Variants in NEK11 observed in about 807,000 individuals in gnomAD.
NEK11 encodes the protein NIMA related kinase 11, also known as serine/threonine-protein kinase Nek11.
Under a neutral mutation model 80.7 loss-of-function variants are expected in NEK11, and 72 were observed. That is an observed-to-expected ratio of 0.89 (90% CI 0.74 to 1.08). NEK11 has a LOEUF of 1.08. Among genes scored for constraint, NEK11 ranks in the 50% least tolerant of loss-of-function variants. NEK11 has a pLI of 0.00. For synonymous variants in NEK11, 251 were observed against 260.7 expected (o/e 0.96, Z 0.36); for missense variants, 764 against 763.6 (o/e 1.00, Z -0.01).
At chr3:131,095,041 G>T (rs558938352) in intron 4 of NEK11, among the ~76,000 whole-genome samples, 1 of 152,132 alleles carries the variant, frequency 6.6e-6, no homozygotes, top group African/African-American at 2.4e-5. Flanking sequence ...TTAAATACCA[G>T]TTGATTTCTC....
intron 10 of NEK11, among the ~76,000 whole-genome samples, chr3:131,160,612 C>T (rs1183953467): frequency 6.6e-6 from 1 of 152,094 alleles, no homozygotes; most frequent in African/African-American, 2.4e-5. Context: ...AGACGAAATG[C>T]CACAATTAAA....
intron 17 of NEK11, among the ~76,000 whole-genome samples, chr3:131,282,220 C>T (rs2096406482): frequency 6.7e-6 from 1 of 149,704 alleles, no homozygotes; most frequent in African/African-American, 2.5e-5. Context: ...TCCAGGGCTG[C>T]TGATTTTGGT....
At chr3:131,227,813 A>G (rs1442150876) in intron 14 of NEK11, among the ~76,000 whole-genome samples, 1 of 152,130 alleles carries the variant, frequency 6.6e-6, no homozygotes, top group East Asian at 1.9e-4. Context: ...TCTTCACTGA[A>G]GATTGTTATA....
intron 4 of NEK11, among the ~76,000 whole-genome samples, chr3:131,081,525 G>T (rs1017645272): frequency 3.9e-5 from 6 of 152,190 alleles, no homozygotes; most frequent in Non-Finnish European, 8.8e-5. Context: ...GTGAATCTGT[G>T]TGTTTACTCC....
intron 3 of NEK11, among the ~76,000 whole-genome samples, chr3:131,049,761 T>G (rs892187164): frequency 6.6e-6 from 1 of 152,200 alleles, no homozygotes; most frequent in African/African-American, 2.4e-5. Context: ...TCCTCCAAAT[T>G]TGCCAGATAT....
intron 3 of NEK11, among the ~76,000 whole-genome samples, chr3:131,049,077 C>T (rs2067917013): frequency 6.6e-6 from 1 of 152,160 alleles, no homozygotes; most frequent in Non-Finnish European, 1.5e-5. Context: ...ATTAATAGTA[C>T]ATACAATAAC....
At chr3:131,312,375 T>C (rs1417109420) in intron 17 of NEK11, among the ~76,000 whole-genome samples, 2 of 152,026 alleles carry the variant, frequency 1.3e-5, no homozygotes, top group Non-Finnish European at 2.9e-5. Context: ...CTTGGGGCAA[T>C]GGGGGAGTGA....
chr3:131,317,266 T>C (rs1370623037), intron 17 of NEK11, among the ~76,000 whole-genome samples: 1 of 152,168 alleles, frequency 6.6e-6, no homozygotes, highest in Non-Finnish European at 1.5e-5. Context: ...GCTTTAGAGA[T>C]GAAACGAATA....
At chr3:131,246,004 A>G (rs533018495) in intron 16 of NEK11, among the ~76,000 whole-genome samples, 8 of 151,904 alleles carry the variant, frequency 5.3e-5, no homozygotes, top group Non-Finnish European at 1.2e-4. Flanking sequence ...CCATTTGTCT[A>G]TTTTTGGTTT....
chr3:131,161,154 A>G (rs1272411846), intron 10 of NEK11, among the ~76,000 whole-genome samples: 1 of 151,514 alleles, frequency 6.6e-6, no homozygotes, highest in African/African-American at 2.4e-5. Flanking sequence ...CATCTCAAAA[A>G]AAAAAAAAAA....
At chr3:131,030,045 G>T (rs2064560589) in intron 3 of NEK11, among the ~76,000 whole-genome samples, 167 bp downstream of exon 3, 1 of 152,152 alleles carries the variant, frequency 6.6e-6, no homozygotes, top group Admixed American at 6.5e-5. Flanking sequence ...TTCAAGACCA[G>T]CCTGGCCAAC....
intron 17 of NEK11, among the ~76,000 whole-genome samples, chr3:131,303,435 T>C (rs2096684608): frequency 6.6e-6 from 1 of 152,220 alleles, no homozygotes; most frequent in Non-Finnish European, 1.5e-5. Context: ...ACGGTCTATG[T>C]ATTTAAGTGT....
intron 3 of NEK11, chr3:131,072,283 G>C (rs1313166089): frequency 6.6e-6 from 1 of 152,196 alleles, no homozygotes; most frequent in African/African-American, 2.4e-5. Flanking sequence ...GGCTCCAGCT[G>C]GCTGCCATAG....
intron 17 of NEK11, chr3:131,329,052 T>C (rs893836950): frequency 7.2e-5 from 11 of 152,232 alleles, no homozygotes; most frequent in African/African-American, 2.7e-4. Flanking sequence ...ACACTGTCCC[T>C]TCTGCATAGA....
chr3:131,180,509 C>A (rs1560824494), intron 14 of NEK11, among the ~76,000 whole-genome samples: 1 of 151,994 alleles, frequency 6.6e-6, no homozygotes, highest in Non-Finnish European at 1.5e-5. Context: ...ATGACAAAAA[C>A]AATATTTTAT....
chr3:131,315,463 A>G (rs2096827446), intron 17 of NEK11, among the ~76,000 whole-genome samples: 2 of 119,298 alleles, frequency 1.7e-5, no homozygotes, highest in Admixed American at 2.0e-4. Context: ...GCTGAATAAT[A>G]TTCCTGTGTG....
At chr3:131,058,719 T>C (rs1378541122) in intron 3 of NEK11, among the ~76,000 whole-genome samples, 1 of 152,198 alleles carries the variant, frequency 6.6e-6, no homozygotes, top group Non-Finnish European at 1.5e-5. Context: ...AGATTCATAA[T>C]ACAGTATAGA....
At chr3:131,130,914 G>A (rs2084330085) in intron 5 of NEK11, among the ~76,000 whole-genome samples, 1 of 152,092 alleles carries the variant, frequency 6.6e-6, no homozygotes, top group African/African-American at 2.4e-5. Context: ...CGATTCTCCT[G>A]CCACAGCCTC....
intron 17 of NEK11, among the ~76,000 whole-genome samples, chr3:131,293,256 T>A (rs544191618): frequency 6.6e-6 from 1 of 152,232 alleles, no homozygotes; most frequent in Non-Finnish European, 1.5e-5. Flanking sequence ...GTTGAGGAAT[T>A]TTTCCTGTAT....
Sources: allele counts gnomAD v4.1 joint callset (sites outside exome capture counted in the v4.1 genomes callset), GRCh38; gene constraint gnomAD v4.1.1; transcripts MANE v1.5; gene names NCBI Gene and HGNC (gene_info 2026-07-23, HGNC 2026-07-21).